Variants in ATRNL1 observed in about 807,000 individuals in gnomAD.
The protein encoded by ATRNL1 is attractin-like protein 1.
ATRNL1 carries 95 observed loss-of-function variants against 182.7 expected under a neutral mutation model. The observed-to-expected ratio is 0.52, with a 90% confidence interval of 0.44 to 0.62. The LOEUF (loss-of-function observed/expected upper bound fraction) is 0.62, where lower values mean the gene tolerates loss of function less well. ATRNL1 is among the 20% of genes least tolerant of loss of function. ATRNL1 has a pLI of 0.00. For synonymous variants in ATRNL1, 576 were observed against 568.3 expected (o/e 1.01, Z -0.19); for missense variants, 1,471 against 1,679.5 (o/e 0.88, Z 2.17).
At chr10:115,263,725 T>C (rs1554909503) in intron 10 of ATRNL1, among the ~76,000 whole-genome samples, 1 of 151,816 alleles carries the variant, frequency 6.6e-6, no homozygotes, top group Non-Finnish European at 1.5e-5. Flanking sequence ...AATGTACATT[T>C]ATTAAATTAA....
At position 115,462,046 on chromosome 10, in the gene ATRNL1, ATTG is replaced by A. The variant is rs1847825314; in HGVS notation, c.3417+14_3417+16del. 2 of 1,575,090 alleles carry A rather than the reference ATTG, an allele frequency of 1.3e-6. No individual in the cohort carries two copies. Among genetic ancestry groups the A allele is most frequent in the African/African-American group, 1.4e-5 (1 of 73,314 alleles). On this transcript the variant is annotated intron_variant, in intron 22 of 28. Transcript: ENST00000355044. ...GCAAACCCAGAACAGGTGAGGAAAA[ATTG>A]TTATCTTTTAAAGTATAATTATTGG... is the stretch of plus-strand genomic sequence containing the variant.
intron 5 of ATRNL1, among the ~76,000 whole-genome samples, chr10:115,151,839 A>G (rs183920539): frequency 7.1e-4 from 108 of 152,210 alleles, no homozygotes; most frequent in African/African-American, 2.5e-3. Context: ...GGGTTTTTAT[A>G]GTTTTAGGTC....
At chr10:115,610,195 C>T (rs868915676) in intron 26 of ATRNL1, among the ~76,000 whole-genome samples, 3 of 152,028 alleles carry the variant, frequency 2.0e-5, no homozygotes, top group Non-Finnish European at 2.9e-5. Context: ...ATGGAGCAAC[C>T]GCAATGCAAA....
At chr10:115,774,152 T>C (rs1808341789) in intron 27 of ATRNL1, among the ~76,000 whole-genome samples, 1 of 152,070 alleles carries the variant, frequency 6.6e-6, no homozygotes, top group African/African-American at 2.4e-5. Context: ...GGATAATACC[T>C]GGTTGTGCCA....
intron 19 of ATRNL1, among the ~76,000 whole-genome samples, chr10:115,354,863 A>G (rs1554942421): frequency 6.6e-6 from 1 of 151,926 alleles, no homozygotes; most frequent in Non-Finnish European, 1.5e-5. Context: ...TCCTGTAATC[A>G]TATTTTATTC....
chr10:115,186,942 A>T (rs977464222), intron 8 of ATRNL1, among the ~76,000 whole-genome samples: 2 of 152,082 alleles, frequency 1.3e-5, no homozygotes, highest in African/African-American at 4.8e-5. Flanking sequence ...CATCTATGTG[A>T]CCACAAAAAT....
At chr10:115,486,051 C>T (rs1253230990) in intron 24 of ATRNL1, among the ~76,000 whole-genome samples, 1 of 152,074 alleles carries the variant, frequency 6.6e-6, no homozygotes, top group African/African-American at 2.4e-5. Context: ...CAGCTTCATC[C>T]ATGTCCCTGC....
At chr10:115,929,163 G>T (rs574293951) in intron 28 of ATRNL1, among the ~76,000 whole-genome samples, 1 of 152,016 alleles carries the variant, frequency 6.6e-6, no homozygotes, top group African/African-American at 2.4e-5. Flanking sequence ...TAAACAAAGT[G>T]TAGGGGCTAA....
rs1268020830 is a variant in ATRNL1 at position 115,621,276 on chromosome 10, T to TATATATATATAG, written c.3795+71741_3795+71742insTATATATATAGA. ...CTGAATATATATATATATATATATA[T>TATATATATATAG]AGAGAGAGAGAGAGAGAGAGAGAGA... On this transcript the variant is annotated intron_variant, in intron 26 of 28. Coordinates refer to ENST00000355044, the MANE Select transcript of ATRNL1 (RefSeq NM_207303.4). Among the ~76,000 whole-genome samples the TATATATATATAG allele has an allele frequency of 7.0e-3, 334 of 47,484 alleles. 3 individuals are homozygous for TATATATATATAG. Among genetic ancestry groups the TATATATATATAG allele is most frequent in the Non-Finnish European group, 9.6e-3 (228 of 23,834 alleles). The allele number at this position is 47,484 out of a possible 152,430, so 31.2% of individuals were successfully genotyped here.
rs531686391 is a variant in ATRNL1 at position 115,586,404 on chromosome 10, A to T, written c.3795+36868A>T. On this transcript the variant is annotated intron_variant, in intron 26 of 28. Transcript: ENST00000355044. ...TTTCAGGTACACCAATCAGACGTGG[A>T]TTTGGTCTTTTCAGATAGTCCCATA... Among the ~76,000 whole-genome samples, 154 of 106,360 alleles carry T rather than the reference A, an allele frequency of 1.4e-3. 7 individuals carry two copies. The highest frequency in any genetic ancestry group is 4.2e-3 in the African/African-American group (150 of 35,452). The allele number at this position is 106,360 out of a possible 152,430, so 69.8% of individuals were successfully genotyped here.
rs1854285309 is a variant in ATRNL1, at chr10:115,316,036, A to G, written c.3037+300A>G. The stretch of plus-strand genomic sequence containing the variant: ...TTTGGGATACATGTGCAGAACGTGC[A>G]GGTTACATAAGTATATGTGCAACAT... On this transcript the variant is annotated intron_variant, in intron 18 of 28. Coordinates refer to ENST00000355044, the MANE Select transcript of ATRNL1 (RefSeq NM_207303.4). 2.0e-5 allele frequency among the ~76,000 whole-genome samples: 3 copies of G among 152,246 alleles called. No individual in the cohort carries two copies. In the South Asian group the frequency reaches 6.2e-4, roughly 32 times the overall value.
intron 20 of ATRNL1, among the ~76,000 whole-genome samples, chr10:115,396,770 A>G (rs1193545658): frequency 6.6e-6 from 1 of 151,964 alleles, no homozygotes; most frequent in Non-Finnish European, 1.5e-5. Flanking sequence ...TCTTTGATAC[A>G]GTATTGCAGT....
At chr10:115,535,766 T>A (rs1357159430) in intron 25 of ATRNL1, among the ~76,000 whole-genome samples, 19 of 152,124 alleles carry the variant, frequency 1.2e-4, no homozygotes, top group African/African-American at 4.6e-4. Flanking sequence ...ATGATGATGG[T>A]GATGTACAGA....
chr10:115,777,360 T>C (rs1216561839), intron 27 of ATRNL1, among the ~76,000 whole-genome samples: 1 of 152,172 alleles, frequency 6.6e-6, no homozygotes, highest in African/African-American at 2.4e-5. Context: ...GAAAAATTCT[T>C]CTAAAATATT....
chr10:115,151,233 AC>A (rs1265877636), intron 5 of ATRNL1, among the ~76,000 whole-genome samples: 21 of 152,314 alleles, frequency 1.4e-4, no homozygotes, highest in African/African-American at 4.8e-4. Context: ...TTGGGTATAT[AC>A]CCAGTAATGG....
chr10:115,323,426 TCC>T (rs1854693420), intron 18 of ATRNL1, among the ~76,000 whole-genome samples: 2 of 25,998 alleles, frequency 7.7e-5, no homozygotes, highest in African/African-American at 2.4e-4. Context: ...TCCCCTCCCC[TCC>T]CCTCCCCTCC....
At chr10:115,221,359 C>T (rs782504070) in intron 9 of ATRNL1, among the ~76,000 whole-genome samples, 10 of 152,152 alleles carry the variant, frequency 6.6e-5, no homozygotes, top group Non-Finnish European at 1.5e-4. Flanking sequence ...TTTTTTACCA[C>T]CTCAGAACTG....
chr10:115,638,038 GT>G (rs1473499186), intron 26 of ATRNL1, among the ~76,000 whole-genome samples: 1 of 151,970 alleles, frequency 6.6e-6, no homozygotes, highest in Non-Finnish European at 1.5e-5. Flanking sequence ...TTATAAAGTA[GT>G]ATACATTAAT....
chr10:115,696,527 A>G (rs1449296358), intron 26 of ATRNL1, among the ~76,000 whole-genome samples: 1 of 152,194 alleles, frequency 6.6e-6, no homozygotes, highest in Non-Finnish European at 1.5e-5. Flanking sequence ...GTATATGCCC[A>G]GTAGTAGGAT....
Sources: gnomAD v4.1 joint callset for allele counts (sites outside exome capture counted in the v4.1 genomes callset) on GRCh38, gnomAD v4.1.1 for gene constraint, MANE v1.5 for transcripts, NCBI Gene and HGNC (gene_info 2026-07-23, HGNC 2026-07-21) for gene names.